Variants in HPCAL1 observed in about 807,000 individuals in gnomAD.
The protein encoded by HPCAL1 is hippocalcin like 1.
Under a neutral mutation model 17.1 loss-of-function variants are expected in HPCAL1, and 8 were observed. That is an observed-to-expected ratio of 0.47 (90% confidence interval 0.27 to 0.84). The LOEUF is 0.84. Among genes scored for constraint, HPCAL1 ranks in the 40% least tolerant of loss-of-function variants. HPCAL1 has a pLI of 0.13. For missense variants in HPCAL1, 165 were observed against 271.1 expected (o/e 0.61, Z 2.75); for synonymous variants, 112 against 111.4 (o/e 1.01, Z -0.03).
chr2:10,334,640 G>A (rs939521078), intron 1 of HPCAL1, among the ~76,000 whole-genome samples: 1 of 151,958 alleles, frequency 6.6e-6, no homozygotes, highest in African/African-American at 2.4e-5. Flanking sequence ...CATAGATGTG[G>A]TTCATGGTCT....
intron 3 of HPCAL1, among the ~76,000 whole-genome samples, chr2:10,420,524 T>C (rs1670998424): frequency 6.6e-6 from 1 of 151,732 alleles, no homozygotes; most frequent in Admixed American, 6.6e-5. Context: ...TCACTCGACA[T>C]TGGGTCTTTC....
intron 1 of HPCAL1, among the ~76,000 whole-genome samples, chr2:10,341,376 A>C (rs560615217): frequency 6.6e-6 from 1 of 152,278 alleles, no homozygotes; most frequent in South Asian, 2.1e-4. Flanking sequence ...ACCTGAGCCC[A>C]GGAAGTCGAG....
At chr2:10,403,154 G>A (rs1314188455) in intron 2 of HPCAL1, among the ~76,000 whole-genome samples, 2 of 152,200 alleles carry the variant, frequency 1.3e-5, no homozygotes, top group Non-Finnish European at 2.9e-5. Flanking sequence ...ACAAGGTCCC[G>A]GGGAGAGGGA....
At position 10,419,591 on chromosome 2, in the gene HPCAL1, C is replaced by T. The variant is rs534458318; in HGVS notation, c.-24-143C>T. 9 of 686,374 alleles carry T rather than the reference C, an allele frequency of 1.3e-5. No homozygotes were observed. Among genetic ancestry groups the T allele is most frequent in the East Asian group, 1.1e-4 (4 of 36,368 alleles). 42.5% of individuals were successfully genotyped at this position (686,374 alleles called of 1,614,324 possible). On this transcript the variant is annotated intron_variant, in intron 2 of 4. Coordinates refer to ENST00000307845, the MANE Select transcript of HPCAL1 (RefSeq NM_002149.4). This position sits in a 1 kb window ranked among gnomAD's most constrained non-coding sequence, Gnocchi z 5.0. ...GCCTTCTTGGTGGTCCATAAGATAG[C>T]GGCATGCCTTCCGATGGGGGACCCG...
chr2:10,357,761 C>A (rs774940948), intron 1 of HPCAL1, among the ~76,000 whole-genome samples: 9 of 152,030 alleles, frequency 5.9e-5, no homozygotes, highest in Admixed American at 6.6e-5. Flanking sequence ...TTCCTCCATG[C>A]ATAATCCCAT....
chr2:10,421,165 G>A (rs1001464759), intron 3 of HPCAL1, among the ~76,000 whole-genome samples: 3 of 152,236 alleles, frequency 2.0e-5, no homozygotes, highest in South Asian at 2.1e-4. Context: ...GATGTCCCCA[G>A]GAATGCGCAG....
At position 10,389,779 on chromosome 2, in the gene HPCAL1, T is replaced by A. The variant is rs1668569956; in HGVS notation, c.-110-7056T>A. On this transcript the variant is annotated intron_variant, in intron 1 of 4. Transcript: ENST00000307845. Reference sequence around the variant, plus strand: ...GACTGTACTCCAGTTTCTCTGCCCGTGGAATGTACATGGATGTTTGGATAG... The same window carrying A: ...GACTGTACTCCAGTTTCTCTGCCCGAGGAATGTACATGGATGTTTGGATAG... Among the ~76,000 whole-genome samples the A allele has an allele frequency of 1.3e-5, 2 of 152,326 alleles. 1 individual carries two copies. Among genetic ancestry groups the A allele is most frequent in the South Asian group, 4.1e-4 (2 of 4,826 alleles).
chr2:10,375,493 C>A (rs962059975), intron 1 of HPCAL1, among the ~76,000 whole-genome samples: 1 of 152,158 alleles, frequency 6.6e-6, no homozygotes, highest in African/African-American at 2.4e-5. Context: ...ACTCCCATTT[C>A]GTGTCCTTTA....
chr2:10,329,974 G>C (rs1664256043), intron 1 of HPCAL1, among the ~76,000 whole-genome samples: 1 of 152,332 alleles, frequency 6.6e-6, no homozygotes, highest in Non-Finnish European at 1.5e-5. Flanking sequence ...CAAGAATCTG[G>C]CTTTAGGATT....
At chr2:10,335,540 T>C (rs763378443) in intron 1 of HPCAL1, among the ~76,000 whole-genome samples, 6 of 152,226 alleles carry the variant, frequency 3.9e-5, no homozygotes, top group Non-Finnish European at 5.9e-5. Context: ...ATAATGTTTG[T>C]TGTTTTCGGC....
Position 10,394,020 on chromosome 2 carries a change from C to T in HPCAL1, c.-110-2815C>T, listed in dbSNP as rs1668859300. ...GTCCCAGTTACTTGGGAGGCTGAGGCTGGAGGATTGCTTGAGCCTGGGAGG... is the reference window on the plus strand; with the variant it reads ...GTCCCAGTTACTTGGGAGGCTGAGGTTGGAGGATTGCTTGAGCCTGGGAGG... On this transcript the variant is annotated intron_variant, in intron 1 of 4. Coordinates refer to ENST00000307845, the MANE Select transcript of HPCAL1 (RefSeq NM_002149.4). The surrounding 1 kb of genome is among the most constrained non-coding windows in gnomAD (Gnocchi z 5.0). Among the ~76,000 whole-genome samples the T allele has an allele frequency of 6.6e-6, 1 of 150,750 alleles. No individual in the cohort carries two copies. Among genetic ancestry groups the T allele is most frequent in the Admixed American group, 6.6e-5 (1 of 15,120 alleles).
At chr2:10,420,239 G>A in intron 3 of HPCAL1, 104 bp downstream of exon 3, 3 of 930,648 alleles carry the variant, frequency 3.2e-6, no homozygotes, top group Non-Finnish European at 4.5e-6. Context: ...TTTAAGACAG[G>A]AATCTTGCTC....
At chr2:10,332,648 T>C (rs1452750876) in intron 1 of HPCAL1, among the ~76,000 whole-genome samples, 1 of 152,064 alleles carries the variant, frequency 6.6e-6, no homozygotes, top group Non-Finnish European at 1.5e-5. Context: ...GTTGACCTTA[T>C]CAGCAGGGGA....
At chr2:10,370,023 G>A (rs905419989) in intron 1 of HPCAL1, among the ~76,000 whole-genome samples, 3 of 152,208 alleles carry the variant, frequency 2.0e-5, no homozygotes, top group Non-Finnish European at 4.4e-5. Flanking sequence ...AATGTGCTGG[G>A]TTAGGCCTCA....
chr2:10,415,119 A>G (rs902233207), intron 2 of HPCAL1, among the ~76,000 whole-genome samples: 3 of 152,230 alleles, frequency 2.0e-5, no homozygotes, highest in African/African-American at 7.2e-5. Context: ...GCTCTGAGGG[A>G]CATAGCGCAG....
chr2:10,371,803 G>A (rs570528575), intron 1 of HPCAL1, among the ~76,000 whole-genome samples: 40 of 152,328 alleles, frequency 2.6e-4, no homozygotes, highest in East Asian at 1.5e-3. Flanking sequence ...AGGGGTCAGC[G>A]TGCCATGGAG....
chr2:10,346,492 C>T (rs2125453454), intron 1 of HPCAL1, among the ~76,000 whole-genome samples: 1 of 152,276 alleles, frequency 6.6e-6, no homozygotes, highest in South Asian at 2.1e-4. Flanking sequence ...AATTGGGAGG[C>T]AGTTCTGTCT....
intron 1 of HPCAL1, among the ~76,000 whole-genome samples, chr2:10,393,430 C>T (rs1668828055): frequency 6.6e-6 from 1 of 152,226 alleles, no homozygotes; most frequent in African/African-American, 2.4e-5. Flanking sequence ...CTGCGGAGTC[C>T]AGCTCATCCA....
At chr2:10,308,962 G>C (rs1188366467) in intron 1 of HPCAL1, among the ~76,000 whole-genome samples, 1 of 152,128 alleles carries the variant, frequency 6.6e-6, no homozygotes, top group African/African-American at 2.4e-5. Context: ...CAGCTACTAG[G>C]GGGTGCTGAG....
Sources: allele counts gnomAD v4.1 joint callset (sites outside exome capture counted in the v4.1 genomes callset), GRCh38; gene constraint gnomAD v4.1.1; non-coding constraint Gnocchi (gnomAD v3.1); transcripts MANE v1.5; gene names NCBI Gene and HGNC (gene_info 2026-07-23, HGNC 2026-07-21).